FIBCD1: variants seen among roughly 807,000 people sequenced by gnomAD.
FIBCD1 encodes the protein fibrinogen C domain-containing protein 1.
A neutral mutation model predicts 45.1 loss-of-function variants in FIBCD1; 47 were observed. The observed-to-expected ratio is 1.04, with a 90% confidence interval of 0.82 to 1.33. FIBCD1 has a LOEUF of 1.33. FIBCD1 is among the 40% of genes most tolerant of loss of function. The pLI is 0.00. For missense variants in FIBCD1, 653 were observed against 682.2 expected (o/e 0.96, Z 0.48); for synonymous variants, 313 against 308.1 (o/e 1.02, Z -0.17).
intron 6 of FIBCD1, among the ~76,000 whole-genome samples, 156 bp from the exon 7 acceptor site, chr9:130,904,479 A>C (rs1443913710): frequency 2.6e-5 from 4 of 151,842 alleles, no homozygotes; most frequent in African/African-American, 9.7e-5. Context: ...GCACGCGTGC[A>C]AGCGCACCTG....
At chr9:130,917,366 G>A (rs1413945087) in intron 4 of FIBCD1, among the ~76,000 whole-genome samples, 2 of 152,224 alleles carry the variant, frequency 1.3e-5, no homozygotes, top group Non-Finnish European at 2.9e-5. Flanking sequence ...CCGCTTAGAG[G>A]GGCTCTGCCA....
intron 1 of FIBCD1, among the ~76,000 whole-genome samples, chr9:130,935,634 C>T (rs1037534555): frequency 5.3e-5 from 8 of 152,214 alleles, no homozygotes; most frequent in Non-Finnish European, 1.2e-4. Flanking sequence ...CGGGTGATTT[C>T]GGTACCCTGA....
chr9:130,932,449 G>A (rs994939469), intron 1 of FIBCD1, among the ~76,000 whole-genome samples: 1 of 152,202 alleles, frequency 6.6e-6, no homozygotes. Context: ...TCCATTCCGG[G>A]CTCCACGCAT....
In FIBCD1 at chr9:130,929,849, G is replaced by C; in HGVS notation, c.270C>G (p.Leu90=). ...GGCAGCGCGGGTCAATGAGGATGCT[G>C]AGGTGCGAGCTGTCCGCCCTTTCCA... ...VTVERADSSH[L]SILIDPRCPD... is the part of the protein sequence containing the mutation. The change falls in exon 2 of 7, where the codon CTC becomes CTG. Residue 90 remains leucine (L), a synonymous_variant. Transcript: ENST00000372338. 6.5e-7 allele frequency: 1 copy of C among 1,549,810 alleles called. No homozygotes were observed. The highest frequency in any genetic ancestry group is 2.0e-5 in the Admixed American group (1 of 51,002).
intron 6 of FIBCD1, 48 bp downstream of exon 6, chr9:130,905,186 C>T (rs951386785): frequency 6.4e-7 from 1 of 1,572,470 alleles, no homozygotes; most frequent in Non-Finnish European, 8.7e-7. Context: ...GTCCTCCATC[C>T]TCCCAGGCCG....
intron 4 of FIBCD1, among the ~76,000 whole-genome samples, chr9:130,917,176 T>C (rs59788304): frequency 0.1 from 15,855 of 152,102 alleles, 1,729 homozygotes; most frequent in African/African-American, 0.28. Context: ...CAGGCCAAAA[T>C]ATGAATTGGT....
intron 4 of FIBCD1, among the ~76,000 whole-genome samples, chr9:130,919,962 C>T (rs947485484): frequency 4.4e-5 from 6 of 136,976 alleles, no homozygotes; most frequent in Admixed American, 7.1e-5. Flanking sequence ...CAAGACTGTG[C>T]GGCAGGGCAG....
In FIBCD1 at chr9:130,903,726, G is replaced by A; in HGVS notation, c.*338C>T. ...CGGGTATTTGGCCGGGCAGGGCAGA[G>A]GGTGCCTGGGGCAGACTCCACCATC... On this transcript the variant is annotated 3_prime_UTR_variant, in exon 7 of 7. Coordinates refer to ENST00000372338, the MANE Select transcript of FIBCD1 (RefSeq NM_032843.5). 2.2e-6 allele frequency: 1 copy of A among 452,164 alleles called. No homozygotes were observed. The highest frequency in any genetic ancestry group is 2.1e-5 in the South Asian group (1 of 48,106). The allele number at this position is 452,164 out of a possible 1,614,324, so 28.0% of individuals were successfully genotyped here.
intron 4 of FIBCD1, among the ~76,000 whole-genome samples, chr9:130,918,870 C>T (rs1442142649): frequency 2.0e-5 from 3 of 152,236 alleles, no homozygotes; most frequent in East Asian, 3.8e-4. Flanking sequence ...TGCATAAGCC[C>T]GCGCAGGGCC....
At chr9:130,917,876 G>A (rs1015220596) in intron 4 of FIBCD1, among the ~76,000 whole-genome samples, 2 of 152,116 alleles carry the variant, frequency 1.3e-5, no homozygotes, top group African/African-American at 4.8e-5. Context: ...GAGAGTGCAC[G>A]CTCAGTCCCA....
Position 130,938,838 on chromosome 9 carries a change from G to A in FIBCD1, c.-231C>T. On this transcript the variant is annotated 5_prime_UTR_variant, in exon 1 of 7. Transcript: ENST00000372338. Reference sequence around the variant, plus strand: ...GAAAGCCGCCAGCCCAACGCCCGCCGCTCGCGCTGCGCGCCGTCCCCGCTC... The same window carrying A: ...GAAAGCCGCCAGCCCAACGCCCGCCACTCGCGCTGCGCGCCGTCCCCGCTC... The A allele has an allele frequency of 6.4e-6, 1 of 156,310 alleles. No homozygotes were observed. Among genetic ancestry groups the A allele is most frequent in the Non-Finnish European group, 1.4e-5 (1 of 71,182 alleles). The allele number at this position is 156,310 out of a possible 1,614,324, so 9.7% of individuals were successfully genotyped here.
At chr9:130,910,952 C>T (rs1326941650) in intron 5 of FIBCD1, among the ~76,000 whole-genome samples, 2 of 152,208 alleles carry the variant, frequency 1.3e-5, no homozygotes, top group Non-Finnish European at 2.9e-5. Context: ...TTGTGTCTAG[C>T]TCAGGGATTG....
In FIBCD1 at chr9:130,922,023, G is replaced by A. The variant is rs539661121; in HGVS notation, c.849+1721C>T. Among the ~76,000 whole-genome samples the A allele has an allele frequency of 2.6e-5, 4 of 152,240 alleles. No homozygotes were observed. The highest frequency in any genetic ancestry group is 6.5e-5 in the Admixed American group (1 of 15,304). ...CCTCCCCGCGTCCTGCCTCTGCTGG[G>A]GACCGCTGACCCCTTTCAAAACTGA... On this transcript the variant is annotated intron_variant, in intron 4 of 6. Transcript: ENST00000372338. This position sits in a 1 kb window ranked among gnomAD's most constrained non-coding sequence, Gnocchi z 4.5.
intron 4 of FIBCD1, 93 bp from the exon 5 acceptor site, chr9:130,911,981 C>T (rs1832062003): frequency 1.7e-6 from 2 of 1,201,898 alleles, no homozygotes; most frequent in African/African-American, 3.0e-5. Context: ...CTCCCCTCAC[C>T]CTGCTCCCAA....
At chr9:130,917,216 C>A (rs549693501) in intron 4 of FIBCD1, among the ~76,000 whole-genome samples, 8 of 152,344 alleles carry the variant, frequency 5.3e-5, no homozygotes, top group African/African-American at 1.9e-4. Context: ...TCTCTTGGGT[C>A]CCGGCTGGAA....
At chr9:130,905,806 T>G (rs1482196071) in intron 5 of FIBCD1, among the ~76,000 whole-genome samples, 1 of 152,200 alleles carries the variant, frequency 6.6e-6, no homozygotes, top group African/African-American at 2.4e-5. Flanking sequence ...CCTTTGCACA[T>G]GCTGTTCCCT....
At chr9:130,939,566 C>T (rs1428392035), upstream of FIBCD1, among the ~76,000 whole-genome samples, 1 of 152,030 alleles carries the variant, frequency 6.6e-6, no homozygotes, top group African/African-American at 2.4e-5. Flanking sequence ...CCCCCTTGCC[C>T]GGGCGGCCCG....
At chr9:130,919,166 T>C (rs1308940247) in intron 4 of FIBCD1, among the ~76,000 whole-genome samples, 1 of 152,222 alleles carries the variant, frequency 6.6e-6, no homozygotes, top group Non-Finnish European at 1.5e-5. Flanking sequence ...ATTGTCCTGT[T>C]TCTGTTCAAA....
At chr9:130,907,784 A>C (rs1831960001) in intron 5 of FIBCD1, among the ~76,000 whole-genome samples, 1 of 151,992 alleles carries the variant, frequency 6.6e-6, no homozygotes, top group Admixed American at 6.6e-5. Flanking sequence ...CTGTAATCCC[A>C]GCTACTTGGG....
Sources: gnomAD v4.1 joint callset for allele counts (sites outside exome capture counted in the v4.1 genomes callset) on GRCh38, gnomAD v4.1.1 for gene constraint, Gnocchi (gnomAD v3.1) non-coding constraint, MANE v1.5 for transcripts, NCBI Gene and HGNC (gene_info 2026-07-23, HGNC 2026-07-21) for gene names.